MTSS2: variants seen among roughly 807,000 people sequenced by gnomAD.
The protein encoded by MTSS2 is protein MTSS 2.
A neutral mutation model predicts 67.1 loss-of-function variants in MTSS2; 27 were observed. The observed-to-expected ratio is 0.40, with a 90% CI of 0.30 to 0.55. MTSS2 has a LOEUF of 0.55. Ranked by LOEUF, MTSS2 falls within the 20% of genes least tolerant of loss-of-function variation. The pLI, the probability that MTSS2 is intolerant of heterozygous loss-of-function variation, is 0.43. For missense variants in MTSS2, 1,171 were observed against 1,067.8 expected (o/e 1.10, Z -1.35); for synonymous variants, 624 against 468.6 (o/e 1.33, Z -4.28).
intron 1 of MTSS2, 100 bp downstream of exon 1, chr16:70,685,623 G>T: frequency 3.0e-6 from 2 of 667,364 alleles, no homozygotes; most frequent in Non-Finnish European, 3.8e-6. Context: ...CACAGACACC[G>T]CGGCGCGCGG....
rs2053239273 is a variant in MTSS2 at position 70,679,786 on chromosome 16, C to T, written c.382G>A (p.Glu128Lys). ...ANQLDKDHAK[E>K]YKRARHEIKK... ...AAGCCCGGCTCCGCGCCACCCTCACCTTTCGCGTGGTCCTTGTCCAGCTGG... is the reference window on the plus strand; with the variant it reads ...AAGCCCGGCTCCGCGCCACCCTCACTTTTCGCGTGGTCCTTGTCCAGCTGG... The change falls in exon 5 of 15, where the codon GAG becomes AAG. Residue 128 changes from glutamate (E) to lysine (K), a missense_variant and splice_region_variant. Physicochemically the swap from Glu to Lys is moderately conservative, Grantham distance 56. Around this residue, in one of 2 missense-constraint regions of MTSS2, gnomAD observed 247 missense variants for 311.8 expected, o/e 0.79. Transcript: ENST00000338779. 6.2e-7 allele frequency: 1 copy of T among 1,611,420 alleles called. No individual in the cohort carries two copies.
chr16:70,670,990 A>AG (rs2052914690), intron 11 of MTSS2, among the ~76,000 whole-genome samples: 1 of 151,070 alleles, frequency 6.6e-6, no homozygotes, highest in Non-Finnish European at 1.5e-5. Flanking sequence ...AAAAAAAAAA[A>AG]AAAAAGTCAA....
At chr16:70,669,794 G>A (rs1292222898) in intron 11 of MTSS2, among the ~76,000 whole-genome samples, 1 of 146,798 alleles carries the variant, frequency 6.8e-6, no homozygotes, top group Non-Finnish European at 1.5e-5. Flanking sequence ...TCCAGCCTGG[G>A]CAACAGAGTG....
intron 11 of MTSS2, among the ~76,000 whole-genome samples, chr16:70,666,375 G>A (rs1430480159): frequency 6.6e-5 from 10 of 152,162 alleles, no homozygotes; most frequent in South Asian, 4.1e-4. Context: ...GGTGTTCTGC[G>A]AGGCCCCCCA....
intron 1 of MTSS2, among the ~76,000 whole-genome samples, chr16:70,682,325 C>G (rs970988927): frequency 6.6e-6 from 1 of 152,216 alleles, no homozygotes; most frequent in Non-Finnish European, 1.5e-5. Context: ...GGAGTGGACT[C>G]ATGCCACCTA....
Position 70,663,908 on chromosome 16 carries a change from C to G in MTSS2, c.2013G>C (p.Arg671=). The G allele has an allele frequency of 1.3e-6, 2 of 1,549,170 alleles. No homozygotes were observed. The highest frequency in any genetic ancestry group is 1.7e-6 in the Non-Finnish European group (2 of 1,149,210). ...EDEQQQLAAN[R]HSLVEKLGEL... is the part of the protein sequence containing the mutation. ...CCCCCAGCTTCTCCACCAGGCTGTGCCGGTTGGCCGCCAGCTGCTGCTGCT... is the reference window on the plus strand; with the variant it reads ...CCCCCAGCTTCTCCACCAGGCTGTGGCGGTTGGCCGCCAGCTGCTGCTGCT... The change falls in exon 15 of 15, where the codon CGG becomes CGC. Residue 671 remains arginine, a synonymous_variant. Transcript: ENST00000338779.
Position 70,661,547 on chromosome 16 carries a change from G to C in MTSS2, c.*2130C>G, listed in dbSNP as rs1034761314. On this transcript the variant is annotated 3_prime_UTR_variant, in exon 15 of 15. Transcript: ENST00000338779. The stretch of plus-strand genomic sequence containing the variant: ...AAATGAGAAATTAAACGAACGTAAA[G>C]TCCCCCAAACCAAAGTTTGTGATGT... The C allele has an allele frequency of 2.8e-6, 1 of 352,076 alleles. No individual in the cohort carries two copies. The highest frequency in any genetic ancestry group is 2.2e-5 in the African/African-American group (1 of 46,506). 21.8% of individuals were successfully genotyped at this position (352,076 alleles called of 1,614,324 possible).
In MTSS2 at chr16:70,663,978, G is replaced by GGGCTGCCCCAGGCTGTGTTGGGCA; in HGVS notation, c.1919_1942dup (p.Leu640_Ser647dup). On this transcript the variant is annotated inframe_insertion, in exon 15 of 15. Coordinates refer to ENST00000338779, the MANE Select transcript of MTSS2 (RefSeq NM_138383.3). ...GGGGTACCCGGCTGCCTCTGGGGAT[G>GGGCTGCCCCAGGCTGTGTTGGGCA]GGCTGCCCCAGGCTGTGTTGGGCAG... 4.4e-6 allele frequency: 7 copies of GGGCTGCCCCAGGCTGTGTTGGGCA among 1,580,994 alleles called. No individual in the cohort carries two copies. Among genetic ancestry groups the GGGCTGCCCCAGGCTGTGTTGGGCA allele is most frequent in the Non-Finnish European group, 6.0e-6 (7 of 1,165,012 alleles).
At chr16:70,674,186 A>G in intron 11 of MTSS2, 120 bp downstream of exon 11, 1 of 774,046 alleles carries the variant, frequency 1.3e-6, no homozygotes. Context: ...GGGGGCCTTC[A>G]GGCCAGTCTC....
Position 70,663,647 on chromosome 16 carries a change from G to A in MTSS2, c.*30C>T. 3 of 1,534,270 alleles carry A rather than the reference G, an allele frequency of 2.0e-6. No homozygotes were observed. The highest frequency in any genetic ancestry group is 2.6e-6 in the Non-Finnish European group (3 of 1,140,614). On this transcript the variant is annotated 3_prime_UTR_variant, in exon 15 of 15. Transcript: ENST00000338779. Reference sequence around the variant, plus strand: ...CAGACCAGGCCACCTGCTCGCACTGGGGCCTGAGAGGATGGGGAGGGTGGC... The same window carrying A: ...CAGACCAGGCCACCTGCTCGCACTGAGGCCTGAGAGGATGGGGAGGGTGGC...
In MTSS2 at chr16:70,678,239, C is replaced by A; in HGVS notation, c.624+13G>T. The A allele has an allele frequency of 6.2e-7, 1 of 1,600,730 alleles. No individual in the cohort carries two copies. Among genetic ancestry groups the A allele is most frequent in the Non-Finnish European group, 8.5e-7 (1 of 1,174,188 alleles). On this transcript the variant is annotated intron_variant, in intron 8 of 14. Coordinates refer to ENST00000338779, the MANE Select transcript of MTSS2 (RefSeq NM_138383.3). Reference sequence around the variant, plus strand: ...GCCCACCCCTCTGGGGTCTGAGTCCCCAGGAGTCCCACCACCACAGGCTGC... The same window carrying A: ...GCCCACCCCTCTGGGGTCTGAGTCCACAGGAGTCCCACCACCACAGGCTGC...
Position 70,664,058 on chromosome 16 carries a change from C to G in MTSS2, c.1863G>C (p.Glu621Asp), listed in dbSNP as rs139707506. 1 of 1,610,878 alleles carries G rather than the reference C, an allele frequency of 6.2e-7. No homozygotes were observed. The highest frequency in any genetic ancestry group is 1.3e-5 in the African/African-American group (1 of 74,896). ...GGTCCGGTGCCAGGGGTGAGGCGGT[C>G]TCGTCGGTATAGAAGACGCACTCCT... ...GSEECVFYTD[E>D]TASPLAPDLA... Residue 621 changes from glutamate to aspartate, a missense_variant, in exon 15 of 15, where the codon GAG becomes GAC. Transcript: ENST00000338779.
At chr16:70,681,963 C>T (rs997492465) in intron 1 of MTSS2, among the ~76,000 whole-genome samples, 54 of 152,194 alleles carry the variant, frequency 3.5e-4, no homozygotes, top group African/African-American at 1.3e-3. Flanking sequence ...CCCTCCCTTC[C>T]ATGTAGGATG....
intron 11 of MTSS2, 165 bp from the exon 12 acceptor site, chr16:70,665,705 GTGTC>G (rs1390310820): frequency 3.4e-6 from 2 of 594,878 alleles, no homozygotes; most frequent in Non-Finnish European, 3.0e-6. Context: ...CGGCCGCTGA[GTGTC>G]TGCAGCAGCA....
intron 9 of MTSS2, among the ~76,000 whole-genome samples, 188 bp downstream of exon 9, chr16:70,677,604 G>T (rs2053161688): frequency 6.6e-6 from 1 of 152,194 alleles, no homozygotes; most frequent in Admixed American, 6.5e-5. Flanking sequence ...GCTGGCCAGG[G>T]CATACCCTCC....
intron 1 of MTSS2, among the ~76,000 whole-genome samples, chr16:70,681,376 G>A (rs914066546): frequency 6.6e-6 from 1 of 152,236 alleles, no homozygotes; most frequent in African/African-American, 2.4e-5. Flanking sequence ...CCTGGCAGGG[G>A]ATCTGGGCTG....
Position 70,663,455 on chromosome 16 carries a change from A to T in MTSS2, c.*222T>A. Reference sequence around the variant, plus strand: ...CCGAAGAGCATAAAACAGACCCCGAACCAGGCCCAGGCCTGCAGGCTCCGT... The same window carrying T: ...CCGAAGAGCATAAAACAGACCCCGATCCAGGCCCAGGCCTGCAGGCTCCGT... On this transcript the variant is annotated 3_prime_UTR_variant, in exon 15 of 15. Transcript: ENST00000338779. 1 of 812,070 alleles carries T rather than the reference A, an allele frequency of 1.2e-6. No individual in the cohort carries two copies. 50.3% of individuals were successfully genotyped at this position (812,070 alleles called of 1,614,324 possible).
At chr16:70,679,942 C>A in intron 4 of MTSS2, 29 bp downstream of exon 4, 1 of 1,489,134 alleles carries the variant, frequency 6.7e-7, no homozygotes, top group East Asian at 2.6e-5. Flanking sequence ...GTCCCCCCGC[C>A]CCCCTGCCCG....
At position 70,677,845 on chromosome 16, in the gene MTSS2, C is replaced by T. The variant is rs368053518; in HGVS notation, c.679G>A (p.Asp227Asn). The change falls in exon 9 of 15, where the codon GAC (aspartate) becomes AAC (asparagine). Residue 227 changes from aspartate (D) to asparagine (N), a missense_variant. Physicochemically the swap from Asp to Asn is conservative, Grantham distance 23 (BLOSUM62 1). Around this residue, in one of 2 missense-constraint regions of MTSS2, gnomAD observed 247 missense variants for 311.8 expected, o/e 0.79. Coordinates refer to ENST00000338779, the MANE Select transcript of MTSS2 (RefSeq NM_138383.3). ...EITHLQGIIDDLVVLTAEPHK... is the reference protein window; with the variant it reads ...EITHLQGIIDNLVVLTAEPHK... ...GGTTCTGCTGTCAGCACCACCAAGT[C>T]GTCGATGATGCCCTGCAGGTGGGTG... The T allele has an allele frequency of 5.0e-6, 8 of 1,612,476 alleles. No homozygotes were observed. The highest frequency in any genetic ancestry group is 2.2e-5 in the East Asian group (1 of 44,860).
Sources: allele counts gnomAD v4.1 joint callset (sites outside exome capture counted in the v4.1 genomes callset), GRCh38; gene constraint gnomAD v4.1.1; regional missense constraint gnomAD v4.1.1; transcripts MANE v1.5; gene names NCBI Gene and HGNC (gene_info 2026-07-23, HGNC 2026-07-21).